Variants in PPP2R2A observed in about 807,000 individuals in gnomAD.
The protein encoded by PPP2R2A is serine/threonine-protein phosphatase 2A 55 kDa regulatory subunit B alpha isoform.
PPP2R2A carries 9 observed loss-of-function variants against 53.2 expected under a neutral mutation model. The ratio of observed to expected loss-of-function variants is 0.17; its 90% CI spans 0.10 to 0.30. PPP2R2A has a LOEUF of 0.30. Among genes scored for constraint, PPP2R2A ranks in the 10% least tolerant of loss-of-function variants. The probability of loss-of-function intolerance (pLI) is 1.00; values close to 1 mark genes in which losing one functional copy is unlikely to be tolerated. For synonymous variants in PPP2R2A, 169 were observed against 174.2 expected, an observed-to-expected ratio of 0.97 and a Z score of 0.23; for missense variants, 235 against 534.6, an observed-to-expected ratio of 0.44 and a Z score of 5.53.
Position 26,344,352 on chromosome 8 carries a change from T to C in PPP2R2A, c.180+5365T>C, listed in dbSNP as rs1804101613. On this transcript the variant is annotated intron_variant, in intron 3 of 9. Transcript: ENST00000380737. ...GGTAAAAGCTAATTCTGTGTAAATT[T>C]GGATGAGTATTCACAATGCTGGCTA... 2.6e-5 allele frequency among the ~76,000 whole-genome samples: 4 copies of C among 152,246 alleles called. No individual in the cohort carries two copies. The South Asian group carries it at 8.3e-4, about 31-fold the overall frequency.
chr8:26,318,198 A>G (rs1344636586), intron 2 of PPP2R2A, among the ~76,000 whole-genome samples: 1 of 152,094 alleles, frequency 6.6e-6, no homozygotes, highest in Admixed American at 6.5e-5. Flanking sequence ...TTTACTCAGG[A>G]CTTTGTTCAT....
intron 2 of PPP2R2A, among the ~76,000 whole-genome samples, chr8:26,320,217 A>G (rs528114789): frequency 2.6e-5 from 4 of 151,994 alleles, no homozygotes; most frequent in African/African-American, 4.8e-5. Context: ...GTGGGTGTCA[A>G]CTCTCTTGTT....
At chr8:26,307,659 TGTTA>T (rs1478574799) in intron 2 of PPP2R2A, among the ~76,000 whole-genome samples, 2 of 152,264 alleles carry the variant, frequency 1.3e-5, no homozygotes, top group Non-Finnish European at 2.9e-5. Context: ...AATTTTTGTT[TGTTA>T]AAGGAAAAAC....
At chr8:26,364,410 T>C (rs1178301517) in intron 8 of PPP2R2A, among the ~76,000 whole-genome samples, 3 of 152,218 alleles carry the variant, frequency 2.0e-5, no homozygotes, top group Admixed American at 6.5e-5. Context: ...CTATCCGTTG[T>C]TGGATGTCAG....
intron 8 of PPP2R2A, among the ~76,000 whole-genome samples, chr8:26,364,430 C>T (rs1326646542): frequency 6.6e-6 from 1 of 152,150 alleles, no homozygotes; most frequent in South Asian, 2.1e-4. Context: ...GTTCTTGATT[C>T]TCTTATCAGC....
At chr8:26,347,130 T>G (rs1012015545) in intron 3 of PPP2R2A, among the ~76,000 whole-genome samples, 2 of 152,216 alleles carry the variant, frequency 1.3e-5, no homozygotes, top group Non-Finnish European at 2.9e-5. Context: ...TGTTATATTT[T>G]ATGAACTTCA....
intron 3 of PPP2R2A, among the ~76,000 whole-genome samples, chr8:26,341,129 A>G (rs1803919193): frequency 6.6e-6 from 1 of 152,148 alleles, no homozygotes; most frequent in Non-Finnish European, 1.5e-5. Context: ...TCTTTTGAGA[A>G]TTACTTAGTG....
Position 26,370,476 on chromosome 8 carries a change from C to T in PPP2R2A, c.*63C>T. The stretch of plus-strand genomic sequence containing the variant: ...AGTTGAGATAGTTGAATCTAGCATT[C>T]GTTCCTATAAAAGAGAGAGGTCCAT... On this transcript the variant is annotated 3_prime_UTR_variant, in exon 10 of 10. Coordinates refer to ENST00000380737, the MANE Select transcript of PPP2R2A (RefSeq NM_002717.4). The surrounding 1 kb of genome is among the most constrained non-coding windows in gnomAD (Gnocchi z 6.1). 6.4e-7 allele frequency: 1 copy of T among 1,552,368 alleles called. No homozygotes were observed.
At chr8:26,312,696 G>A (rs956953991) in intron 2 of PPP2R2A, among the ~76,000 whole-genome samples, 43 of 152,088 alleles carry the variant, frequency 2.8e-4, no homozygotes, top group Admixed American at 1.0e-3. Flanking sequence ...AGTTTGGCTC[G>A]GTCTAAGACC....
intron 2 of PPP2R2A, among the ~76,000 whole-genome samples, chr8:26,308,493 A>G (rs955825706): frequency 7.7e-4 from 118 of 152,350 alleles, no homozygotes; most frequent in African/African-American, 2.8e-3. Context: ...CAGTGTCATC[A>G]CCAGCAGTAG....
intron 2 of PPP2R2A, among the ~76,000 whole-genome samples, chr8:26,310,922 A>T (rs1802263252): frequency 6.6e-6 from 1 of 152,196 alleles, no homozygotes; most frequent in Non-Finnish European, 1.5e-5. Context: ...GTAGTATCAC[A>T]GCCCTTTTCC....
chr8:26,352,855 T>C (rs1231221826), intron 3 of PPP2R2A, among the ~76,000 whole-genome samples: 1 of 152,204 alleles, frequency 6.6e-6, no homozygotes, highest in Non-Finnish European at 1.5e-5. Flanking sequence ...ACCTTAATTG[T>C]GTAGACCATA....
intron 3 of PPP2R2A, among the ~76,000 whole-genome samples, chr8:26,349,890 A>G (rs1355092368): frequency 1.3e-5 from 2 of 152,230 alleles, no homozygotes; most frequent in African/African-American, 2.4e-5. Flanking sequence ...TTATGCCCAT[A>G]GGGTAGGCAT....
At chr8:26,328,240 A>G (rs1803192241) in intron 2 of PPP2R2A, among the ~76,000 whole-genome samples, 1 of 152,188 alleles carries the variant, frequency 6.6e-6, no homozygotes, top group South Asian at 2.1e-4. Flanking sequence ...CCTTTGATGT[A>G]TTTAGTCCTT....
chr8:26,368,106 A>G (rs1001857620), intron 9 of PPP2R2A, among the ~76,000 whole-genome samples: 3 of 152,262 alleles, frequency 2.0e-5, no homozygotes, highest in Non-Finnish European at 2.9e-5. Context: ...GTGTCCTAAT[A>G]CATTAAAACC....
intron 3 of PPP2R2A, chr8:26,350,671 T>C (rs1293867711): frequency 6.6e-6 from 1 of 152,136 alleles, no homozygotes; most frequent in Admixed American, 6.6e-5. Context: ...TCCCAAAGTG[T>C]TGGATTACAG....
intron 2 of PPP2R2A, among the ~76,000 whole-genome samples, chr8:26,329,374 A>G (rs553903647): frequency 2.6e-5 from 4 of 152,126 alleles, no homozygotes; most frequent in South Asian, 2.1e-4. Flanking sequence ...CCTGTCTTCT[A>G]CTACCTTTTT....
chr8:26,320,967 G>T (rs1033676996), intron 2 of PPP2R2A, among the ~76,000 whole-genome samples: 1 of 152,142 alleles, frequency 6.6e-6, no homozygotes, highest in Non-Finnish European at 1.5e-5. Context: ...TTTGGGAGGA[G>T]GATGGTTACC....
At chr8:26,347,402 G>A (rs1409624283) in intron 3 of PPP2R2A, among the ~76,000 whole-genome samples, 3 of 148,194 alleles carry the variant, frequency 2.0e-5, no homozygotes, top group Non-Finnish European at 4.5e-5. Context: ...GTGTCCACGC[G>A]CATGTGCATG....
Sources: allele counts gnomAD v4.1 joint callset (sites outside exome capture counted in the v4.1 genomes callset), GRCh38; gene constraint gnomAD v4.1.1; non-coding constraint Gnocchi (gnomAD v3.1); transcripts MANE v1.5; gene names NCBI Gene and HGNC (gene_info 2026-07-23, HGNC 2026-07-21).